TNRC6B: variants seen among roughly 807,000 people sequenced by gnomAD.
The protein encoded by TNRC6B is trinucleotide repeat containing adaptor 6B, also known as trinucleotide repeat-containing gene 6B protein.
Under a neutral mutation model 203.6 loss-of-function variants are expected in TNRC6B, and 52 were observed. The ratio of observed to expected loss-of-function variants is 0.26; its 90% CI spans 0.20 to 0.32. The LOEUF is 0.32. Ranked by LOEUF, TNRC6B falls within the 10% of genes least tolerant of loss-of-function variation. TNRC6B has a pLI of 1.00. For synonymous variants in TNRC6B, 838 were observed against 845.7 expected (o/e 0.99, Z 0.16); for missense variants, 1,923 against 2,286.2 (o/e 0.84, Z 3.24).
chr22:40,281,055 C>T, intron 10 of TNRC6B, 64 bp from the exon 11 acceptor site: 1 of 1,340,744 alleles, frequency 7.5e-7, no homozygotes, highest in African/African-American at 1.5e-5. Flanking sequence ...CTTTTCCCTT[C>T]TTGCATTCTG....
upstream of TNRC6B, among the ~76,000 whole-genome samples, chr22:40,176,280 C>G (rs1175620461): frequency 2.0e-5 from 3 of 152,210 alleles, no homozygotes; most frequent in South Asian, 4.1e-4. Flanking sequence ...AGGCATGTGC[C>G]ACCACGCTGG....
chr22:40,171,457 G>A (rs568288498), intron 4 of TNRC6B, among the ~76,000 whole-genome samples: 6 of 152,006 alleles, frequency 3.9e-5, no homozygotes, highest in African/African-American at 1.2e-4. Context: ...CACCGCACCC[G>A]GCCATAAATG....
At chr22:40,206,867 A>T (rs1401446248) in intron 1 of TNRC6B, among the ~76,000 whole-genome samples, 1 of 152,206 alleles carries the variant, frequency 6.6e-6, no homozygotes, top group Non-Finnish European at 1.5e-5. Flanking sequence ...GCTCTGGGAT[A>T]CTTCATATGG....
intron 1 of TNRC6B, among the ~76,000 whole-genome samples, chr22:40,077,384 C>G (rs2068025902): frequency 6.6e-6 from 1 of 152,106 alleles, no homozygotes; most frequent in African/African-American, 2.4e-5. Context: ...ATGTTTTGTC[C>G]AATTTTCTAG....
intron 1 of TNRC6B, among the ~76,000 whole-genome samples, chr22:40,078,646 A>T (rs192393870): frequency 6.6e-6 from 1 of 151,984 alleles, no homozygotes; most frequent in African/African-American, 2.4e-5. Flanking sequence ...AGGCTGAAAT[A>T]AGGTGGCACG....
chr22:40,286,943 T>C (rs1204551831), intron 12 of TNRC6B, among the ~76,000 whole-genome samples: 1 of 152,180 alleles, frequency 6.6e-6, no homozygotes, highest in Non-Finnish European at 1.5e-5. Flanking sequence ...TAAAAGAAGA[T>C]GGGAGCGCTT....
chr22:40,288,963 G>A (rs73420548), intron 12 of TNRC6B, among the ~76,000 whole-genome samples: 17,117 of 150,906 alleles, frequency 0.11, 1,038 homozygotes, highest in South Asian at 0.15. Flanking sequence ...ACAAGCATGC[G>A]CCACCACGCC....
At chr22:40,281,373 T>C in intron 11 of TNRC6B, 84 bp downstream of exon 11, 1 of 1,223,150 alleles carries the variant, frequency 8.2e-7, no homozygotes, top group Non-Finnish European at 1.1e-6. Flanking sequence ...CATTTGTCTG[T>C]CTTGGGAAAT....
chr22:40,206,693 G>A (rs368533848), intron 1 of TNRC6B, among the ~76,000 whole-genome samples: 4 of 152,292 alleles, frequency 2.6e-5, no homozygotes, highest in East Asian at 1.9e-4. Context: ...GCAGTGTGGT[G>A]TAGATGCAGG....
intron 1 of TNRC6B, among the ~76,000 whole-genome samples, chr22:40,205,490 CA>C (rs1167992149): frequency 1.3e-5 from 2 of 152,032 alleles, no homozygotes; most frequent in Non-Finnish European, 2.9e-5. Context: ...TTGGTTTGTC[CA>C]TAGAAACACT....
intron 17 of TNRC6B, among the ~76,000 whole-genome samples, 186 bp from the exon 18 acceptor site, chr22:40,312,314 TAAAAC>T (rs374780332): frequency 1.6e-4 from 24 of 152,340 alleles, no homozygotes; most frequent in African/African-American, 5.5e-4. Flanking sequence ...GACAGTGTGA[TAAAAC>T]AAAGGTGCTG....
chr22:40,094,957 G>A (rs1353790526), intron 1 of TNRC6B, among the ~76,000 whole-genome samples: 1 of 152,002 alleles, frequency 6.6e-6, no homozygotes, highest in Non-Finnish European at 1.5e-5. Context: ...ACTGCAGTAT[G>A]TCTCGGAGAG....
intron 1 of TNRC6B, among the ~76,000 whole-genome samples, chr22:40,057,940 A>G (rs2067814723): frequency 6.6e-6 from 1 of 152,228 alleles, no homozygotes; most frequent in African/African-American, 2.4e-5. Context: ...TGTACCATGG[A>G]CAACAGATTT....
chr22:40,332,880 C>A lies in TNRC6B; in HGVS notation c.*9639C>A, dbSNP rs1444983635. 1 of 152,360 alleles carries A rather than the reference C, an allele frequency of 6.6e-6. No individual in the cohort carries two copies. Among genetic ancestry groups the A allele is most frequent in the Non-Finnish European group, 1.5e-5 (1 of 67,908 alleles). 9.4% of individuals were successfully genotyped at this position (152,360 alleles called of 1,614,324 possible). A position where few individuals can be genotyped will look rare whatever the true frequency, so the allele number is the denominator to read the frequency against. ...TGAAAGTAACCCTAAAATATGTTTT[C>A]TTCTTTTGTATTTTTTTGGTTTTTG... is the stretch of plus-strand genomic sequence containing the variant. On this transcript the variant is annotated 3_prime_UTR_variant, in exon 23 of 23. Coordinates refer to ENST00000454349, the MANE Select transcript of TNRC6B (RefSeq NM_001162501.2).
intron 1 of TNRC6B, among the ~76,000 whole-genome samples, chr22:40,067,786 T>C (rs2067908700): frequency 6.6e-6 from 1 of 152,124 alleles, no homozygotes; most frequent in Non-Finnish European, 1.5e-5. Context: ...GCCAATGGGA[T>C]AGTGCCTGCC....
chr22:40,270,166 G>A lies in TNRC6B; in HGVS notation c.2851G>A (p.Ala951Thr), dbSNP rs769514141. The change falls in exon 6 of 23, where the codon GCT becomes ACT. Residue 951 changes from alanine to threonine, a missense_variant. Around this residue, in one of 8 missense-constraint regions of TNRC6B, gnomAD observed 599 missense variants for 656.5 expected, o/e 0.91. Transcript: ENST00000454349. ...ACCTGCTCCAGATAATGGTACTTCC[G>A]CTTGGGGTGAGCCAAATGAAAGCAG... ...TPPAPDNGTS[A>T]WGEPNESSPG... 22 of 1,584,236 alleles carry A rather than the reference G, an allele frequency of 1.4e-5. No homozygotes were observed. Among genetic ancestry groups the A allele is most frequent in the South Asian group, 2.3e-5 (2 of 86,460 alleles).
At chr22:40,245,066 A>G (rs577028884) in intron 1 of TNRC6B, among the ~76,000 whole-genome samples, 1 of 144,448 alleles carries the variant, frequency 6.9e-6, no homozygotes, top group South Asian at 2.2e-4. Context: ...TTCACCCAAT[A>G]GGACATACAT....
At chr22:40,303,857 G>T (rs1422361908) in intron 15 of TNRC6B, among the ~76,000 whole-genome samples, 2 of 152,222 alleles carry the variant, frequency 1.3e-5, no homozygotes, top group Non-Finnish European at 2.9e-5. Flanking sequence ...GTTGCAGTGA[G>T]CTGAGATCAT....
Position 40,331,520 on chromosome 22 carries a change from T to C in TNRC6B, c.*8279T>C. 5.4e-6 allele frequency: 2 copies of C among 371,582 alleles called. No homozygotes were observed. Among genetic ancestry groups the C allele is most frequent in the Non-Finnish European group, 9.6e-6 (2 of 207,438 alleles). The allele number at this position is 371,582 out of a possible 1,614,324, so 23.0% of individuals were successfully genotyped here. On this transcript the variant is annotated 3_prime_UTR_variant, in exon 23 of 23. Transcript: ENST00000454349. ...CTCCCACTCGATTCCTTCAGCTTCA[T>C]TCAGGAAGACACAGGGAGGAGAGAT...
Sources: gnomAD v4.1 joint callset for allele counts (sites outside exome capture counted in the v4.1 genomes callset) on GRCh38, gnomAD v4.1.1 for gene constraint, gnomAD v4.1.1 regional missense constraint, MANE v1.5 for transcripts, NCBI Gene and HGNC (gene_info 2026-07-23, HGNC 2026-07-21) for gene names.